Variants in MYOCOS observed in about 807,000 individuals in gnomAD.
MYOCOS encodes the protein myocilin opposite strand protein.
At chr1:171,602,808 T>C (rs991413855) in intron 1 of MYOCOS, among the ~76,000 whole-genome samples, 8 of 152,294 alleles carry the variant, frequency 5.3e-5, no homozygotes, top group African/African-American at 1.9e-4. Context: ...AAAAAATAGA[T>C]GCTAAAAGAA....
chr1:171,602,224 A>C (rs1205706929), intron 1 of MYOCOS, among the ~76,000 whole-genome samples: 1 of 152,152 alleles, frequency 6.6e-6, no homozygotes, highest in Non-Finnish European at 1.5e-5. Context: ...TTGTGTGCGA[A>C]AGTCGTGAAA....
upstream of MYOCOS, among the ~76,000 whole-genome samples, chr1:171,620,769 C>CTTTTTTT (rs201016150): frequency 1.8e-5 from 2 of 108,184 alleles, no homozygotes; most frequent in African/African-American, 7.5e-5. Context: ...CTTTCTTTTT[C>CTTTTTTT]TTTCTTTTTT....
intron 1 of MYOCOS, among the ~76,000 whole-genome samples, chr1:171,602,984 C>A (rs1004345570): frequency 5.3e-5 from 8 of 152,160 alleles, no homozygotes; most frequent in Admixed American, 3.3e-4. Flanking sequence ...GCCAGAGGCC[C>A]CGATTGTCCC....
At chr1:171,620,773 CTTTTTT>C (rs34455235), upstream of MYOCOS, among the ~76,000 whole-genome samples, 1 of 127,212 alleles carries the variant, frequency 7.9e-6, no homozygotes, top group Non-Finnish European at 1.6e-5. Flanking sequence ...CTTTTTCTTT[CTTTTTT>C]TTTTTTTTTT....
chr1:171,624,586 G>A (rs772242165), intron 2 of MYOCOS, among the ~76,000 whole-genome samples: 13 of 151,878 alleles, frequency 8.6e-5, no homozygotes, highest in African/African-American at 1.2e-4. Flanking sequence ...ACAGGCGCCC[G>A]CCACGACGCC....
In MYOCOS at chr1:171,605,395, A is replaced by ACACACACACACAC. The variant is rs1553253249; in HGVS notation, c.-252+4315_-252+4316insCACACACACACAC. Among the ~76,000 whole-genome samples the ACACACACACACAC allele has an allele frequency of 9.6e-5, 11 of 114,762 alleles. No homozygotes were observed. In the South Asian group the frequency reaches 2.2e-3, roughly 23 times the overall value. 75.3% of individuals were successfully genotyped at this position (114,762 alleles called of 152,430 possible). On this transcript the variant is annotated intron_variant, in intron 1 of 3. Coordinates refer to the MYOCOS transcript ENST00000636697. Reference sequence around the variant, plus strand: ...GTACCACACACACACACACACACACAAAAAAAAAAAAACAGTTACATGATA... The same window carrying ACACACACACACAC: ...GTACCACACACACACACACACACACACACACACACACACAAAAAAAAAAAACAGTTACATGATA...
chr1:171,604,356 G>C (rs1330246171), intron 1 of MYOCOS: 1 of 152,184 alleles, frequency 6.6e-6, no homozygotes, highest in African/African-American at 2.4e-5. Context: ...GCTGTTCCCA[G>C]TATATACATC....
At chr1:171,608,775 A>T (rs1387843385) in intron 1 of MYOCOS, among the ~76,000 whole-genome samples, 1 of 152,074 alleles carries the variant, frequency 6.6e-6, no homozygotes, top group Non-Finnish European at 1.5e-5. Context: ...AAGGATGGGG[A>T]TGTAGGAAGG....
chr1:171,621,454 C>A (rs1652572489), upstream of MYOCOS, among the ~76,000 whole-genome samples: 1 of 146,234 alleles, frequency 6.8e-6, no homozygotes, highest in Non-Finnish European at 1.5e-5. Context: ...CGGCTCACTG[C>A]AAGCTCCGCC....
chr1:171,611,561 A>C (rs1024680150), intron 1 of MYOCOS, among the ~76,000 whole-genome samples: 1 of 152,204 alleles, frequency 6.6e-6, no homozygotes, highest in Non-Finnish European at 1.5e-5. Context: ...CATCTTTGTG[A>C]GTCACCAATA....
At chr1:171,607,702 C>G (rs555366663) in intron 1 of MYOCOS, among the ~76,000 whole-genome samples, 1 of 152,306 alleles carries the variant, frequency 6.6e-6, no homozygotes, top group South Asian at 2.1e-4. Flanking sequence ...TTCTTAGGCC[C>G]TTCTGTCCAT....
upstream of MYOCOS, among the ~76,000 whole-genome samples, chr1:171,620,332 A>T (rs1424095849): frequency 6.6e-6 from 1 of 152,110 alleles, no homozygotes; most frequent in Non-Finnish European, 1.5e-5. Flanking sequence ...TGACTCTGGC[A>T]TAATATTATG....
chr1:171,617,850 A>G (rs1174539654), upstream of MYOCOS, among the ~76,000 whole-genome samples: 1 of 152,204 alleles, frequency 6.6e-6, no homozygotes, highest in African/African-American at 2.4e-5. Flanking sequence ...GACCTCGAGT[A>G]GATGAGAGGG....
At chr1:171,605,372 A>AT (rs1652222106) in intron 1 of MYOCOS, among the ~76,000 whole-genome samples, 1 of 61,986 alleles carries the variant, frequency 1.6e-5, no homozygotes. Flanking sequence ...TATTAATAGT[A>AT]CCACACACAC....
At chr1:171,623,012 T>C (rs1230532339) in intron 1 of MYOCOS, among the ~76,000 whole-genome samples, 1 of 152,176 alleles carries the variant, frequency 6.6e-6, no homozygotes, top group Non-Finnish European at 1.5e-5. Flanking sequence ...GCAGATTTCT[T>C]GAGCTCATGA....
At chr1:171,607,564 C>T (rs1321832743) in intron 1 of MYOCOS, among the ~76,000 whole-genome samples, 4 of 152,144 alleles carry the variant, frequency 2.6e-5, no homozygotes, top group Non-Finnish European at 2.9e-5. Flanking sequence ...CTAAAAAAAA[C>T]GATGCTTAAG....
chr1:171,613,912 T>G (rs1652401945), intron 1 of MYOCOS, among the ~76,000 whole-genome samples: 1 of 152,196 alleles, frequency 6.6e-6, no homozygotes, highest in African/African-American at 2.4e-5. Context: ...CAAAGAGGCC[T>G]CTGACTTTAT....
intron 1 of MYOCOS, among the ~76,000 whole-genome samples, chr1:171,622,566 T>C (rs1652597143): frequency 6.6e-6 from 1 of 152,208 alleles, no homozygotes; most frequent in African/African-American, 2.4e-5. Context: ...AAAGCAGTTA[T>C]ATGCTAAGCT....
At chr1:171,619,804 C>T (rs1199994271), upstream of MYOCOS, among the ~76,000 whole-genome samples, 1 of 147,254 alleles carries the variant, frequency 6.8e-6, no homozygotes, top group African/African-American at 2.5e-5. Flanking sequence ...GCATTCCAGC[C>T]TAGGCAACAG....
Sources: allele counts gnomAD v4.1 joint callset (sites outside exome capture counted in the v4.1 genomes callset), GRCh38; gene constraint gnomAD v4.1.1; transcripts MANE v1.5; gene names NCBI Gene and HGNC (gene_info 2026-07-23, HGNC 2026-07-21).